VRK2: variants seen among roughly 807,000 people sequenced by gnomAD.
The protein encoded by VRK2 is VRK serine/threonine kinase 2.
VRK2 carries 60 observed loss-of-function variants against 57.6 expected under a neutral mutation model. The observed-to-expected ratio is 1.04, with a 90% CI of 0.85 to 1.29. The LOEUF is 1.29. Among genes scored for constraint, VRK2 ranks in the 50% most tolerant of loss-of-function variants. The probability of loss-of-function intolerance (pLI) is 0.00; values close to 1 mark genes in which losing one functional copy is unlikely to be tolerated. For synonymous variants in VRK2, 231 were observed against 199.2 expected (o/e 1.16, Z -1.35); for missense variants, 705 against 588.1 (o/e 1.20, Z -2.06).
chr2:57,912,186 A>G (rs1670004922), intron 1 of VRK2, among the ~76,000 whole-genome samples: 1 of 152,240 alleles, frequency 6.6e-6, no homozygotes, highest in Non-Finnish European at 1.5e-5. Flanking sequence ...TATGGATGAA[A>G]TTAGCAAAAG....
At chr2:58,041,905 C>G (rs533060759), upstream of VRK2, among the ~76,000 whole-genome samples, 39 of 152,210 alleles carry the variant, frequency 2.6e-4, no homozygotes, top group South Asian at 5.4e-3. Context: ...TGACCTGGAA[C>G]TCCCCCCTCC....
At chr2:58,088,296 A>G (rs753415577) in intron 5 of VRK2, 45 bp from the exon 6 acceptor site, 80 of 1,363,014 alleles carry the variant, frequency 5.9e-5, no homozygotes, top group Non-Finnish European at 7.5e-5. Flanking sequence ...AGTTTCAAGC[A>G]TTACTTTCTC....
intron 1 of VRK2, among the ~76,000 whole-genome samples, chr2:57,949,529 T>C (rs60262666): frequency 0.12 from 18,706 of 152,208 alleles, 1,221 homozygotes; most frequent in East Asian, 0.19. Context: ...GCAAACTTAA[T>C]TGATAAATGT....
At chr2:58,033,871 T>C (rs1227440407) in intron 3 of VRK2, among the ~76,000 whole-genome samples, 1 of 152,076 alleles carries the variant, frequency 6.6e-6, no homozygotes, top group Non-Finnish European at 1.5e-5. Flanking sequence ...TCTTGTTTTA[T>C]GGCCAAAAAG....
In VRK2 at chr2:58,100,102, A is replaced by G. The variant is rs186171201; in HGVS notation, c.543+10379A>G. The stretch of plus-strand genomic sequence containing the variant: ...TCTGGTGGCAAAATACTTACTTTCA[A>G]AGTTCCTAGGATATTCATAGGGCAG... On this transcript the variant is annotated intron_variant, in intron 7 of 12. Transcript: ENST00000340157. Among the ~76,000 whole-genome samples the G allele has an allele frequency of 9.9e-5, 15 of 152,128 alleles. No homozygotes were observed. The East Asian group carries it at 1.2e-3, about 12-fold the overall frequency.
intron 1 of VRK2, among the ~76,000 whole-genome samples, chr2:57,925,066 G>A (rs1267495625): frequency 6.6e-6 from 1 of 151,754 alleles, no homozygotes; most frequent in Non-Finnish European, 1.5e-5. Context: ...AATTCCACTT[G>A]GTGATGATTA....
chr2:58,159,855 T>C lies in VRK2; in HGVS notation c.*162T>C, dbSNP rs1050767536. ...TTTGTGGACACTCTAAAAAATAAAATTGCTTTGTACTAGAAATAGTGTCAT... is the reference window on the plus strand; with the variant it reads ...TTTGTGGACACTCTAAAAAATAAAACTGCTTTGTACTAGAAATAGTGTCAT... On this transcript the variant is annotated 3_prime_UTR_variant, in exon 13 of 13. Transcript: ENST00000340157. 5.0e-6 allele frequency: 8 copies of C among 1,605,512 alleles called. No individual in the cohort carries two copies. The Admixed American group carries it at 6.8e-5, about 14-fold the overall frequency.
chr2:58,078,000 G>A (rs188624302), intron 2 of VRK2, among the ~76,000 whole-genome samples: 1 of 152,060 alleles, frequency 6.6e-6, no homozygotes, highest in Admixed American at 6.6e-5. Context: ...CTTGTCTTTG[G>A]TAGCCCGTAA....
chr2:58,114,200 C>A (rs933853598), intron 7 of VRK2, among the ~76,000 whole-genome samples: 7 of 152,154 alleles, frequency 4.6e-5, no homozygotes, highest in Admixed American at 6.5e-5. Flanking sequence ...AGAGCTAGGA[C>A]ATCTGATTAG....
intron 7 of VRK2, among the ~76,000 whole-genome samples, chr2:58,102,285 A>G (rs1056783855): frequency 2.0e-5 from 3 of 151,544 alleles, no homozygotes; most frequent in African/African-American, 4.8e-5. Flanking sequence ...AAATACTCCA[A>G]TTAAAATACA....
chr2:58,049,668 A>G (rs1675412911), intron 2 of VRK2, among the ~76,000 whole-genome samples: 1 of 152,194 alleles, frequency 6.6e-6, no homozygotes, highest in Admixed American at 6.5e-5. Flanking sequence ...TAAGGAAAAT[A>G]GTAGTGATTT....
At chr2:58,044,264 C>T (rs1405563427), upstream of VRK2, among the ~76,000 whole-genome samples, 1 of 152,194 alleles carries the variant, frequency 6.6e-6, no homozygotes, top group Non-Finnish European at 1.5e-5. Flanking sequence ...TTAACCATCA[C>T]ATCAGAGACT....
At chr2:57,991,370 GAA>G (rs200338969) in intron 1 of VRK2, among the ~76,000 whole-genome samples, 2 of 145,016 alleles carry the variant, frequency 1.4e-5, no homozygotes, top group East Asian at 2.0e-4. Flanking sequence ...TTATATTTTA[GAA>G]AAAAAAAAAG....
chr2:58,079,588 A>AACT (rs1463573349), intron 2 of VRK2, among the ~76,000 whole-genome samples: 1 of 152,066 alleles, frequency 6.6e-6, no homozygotes, highest in Non-Finnish European at 1.5e-5. Flanking sequence ...TTAAATCAGT[A>AACT]GACAATGGAT....
Position 57,931,850 on chromosome 2 carries a change from C to A in VRK2, c.-439+24011C>A, listed in dbSNP as rs559419027. 1.3e-4 allele frequency among the ~76,000 whole-genome samples: 20 copies of A among 149,112 alleles called. No homozygotes were observed. In the South Asian group the frequency reaches 1.7e-3, roughly 13 times the overall value. On this transcript the variant is annotated intron_variant, in intron 1 of 15. Coordinates refer to the VRK2 transcript ENST00000417641. ...TTTTTGGTATATGTATATTCAGTTT[C>A]CTCAACATCATTTATGGAAGAGACT...
intron 1 of VRK2, among the ~76,000 whole-genome samples, chr2:57,971,163 A>G (rs956810353): frequency 6.6e-6 from 1 of 152,042 alleles, no homozygotes; most frequent in Non-Finnish European, 1.5e-5. Flanking sequence ...AATAATACAA[A>G]GAAAAATCAG....
At chr2:58,080,951 T>C (rs1487974037) in intron 2 of VRK2, among the ~76,000 whole-genome samples, 1 of 152,008 alleles carries the variant, frequency 6.6e-6, no homozygotes, top group Non-Finnish European at 1.5e-5. Context: ...TAATTTCTTT[T>C]GTGTTTCTGT....
At chr2:58,021,055 CA>C (rs1302166831) in intron 1 of VRK2, among the ~76,000 whole-genome samples, 2 of 152,128 alleles carry the variant, frequency 1.3e-5, no homozygotes, top group African/African-American at 4.8e-5. Flanking sequence ...GGTCTAATAT[CA>C]GCCAGACTTT....
chr2:58,065,314 A>T (rs543785483), intron 2 of VRK2, among the ~76,000 whole-genome samples: 1 of 152,030 alleles, frequency 6.6e-6, no homozygotes, highest in African/African-American at 2.4e-5. Context: ...GCAGCCATTG[A>T]TCTATTCTGC....
Sources: allele counts gnomAD v4.1 joint callset (sites outside exome capture counted in the v4.1 genomes callset), GRCh38; gene constraint gnomAD v4.1.1; transcripts MANE v1.5; gene names NCBI Gene and HGNC (gene_info 2026-07-23, HGNC 2026-07-21).